ABLIM1: variants seen among roughly 807,000 people sequenced by gnomAD.
The protein encoded by ABLIM1 is actin-binding LIM protein 1.
ABLIM1 carries 40 observed loss-of-function variants against 107.0 expected under a neutral mutation model. That is an observed-to-expected ratio of 0.37 (90% CI 0.29 to 0.49). ABLIM1 has a LOEUF of 0.49. ABLIM1 is among the 20% of genes least tolerant of loss of function. ABLIM1 has a pLI of 0.97. For missense variants in ABLIM1, 857 were observed against 1,008.5 expected (o/e 0.85, Z 2.04); for synonymous variants, 357 against 357.3 (o/e 1.00, Z 0.01).
intron 6 of ABLIM1, among the ~76,000 whole-genome samples, chr10:114,506,596 T>A (rs1348489495): frequency 6.6e-6 from 1 of 152,270 alleles, no homozygotes; most frequent in African/African-American, 2.4e-5. Context: ...CCATTTGCAT[T>A]TCTCTAATGA....
chr10:114,577,897 G>A (rs1482782101), intron 2 of ABLIM1, among the ~76,000 whole-genome samples: 2 of 152,296 alleles, frequency 1.3e-5, no homozygotes, highest in East Asian at 3.9e-4. Flanking sequence ...TATGATGCCA[G>A]TACCTAAAAT....
At chr10:114,798,818 A>G in the ABLIM1 span, among the ~76,000 whole-genome samples, 8 of 151,896 alleles carry the variant, frequency 5.3e-5, no homozygotes, top group East Asian at 9.7e-4. Flanking sequence ...TTTTTTTGAG[A>G]CGGAGTCTCG....
chr10:114,502,798 T>C (rs535991246), intron 6 of ABLIM1, among the ~76,000 whole-genome samples: 7 of 152,272 alleles, frequency 4.6e-5, no homozygotes, highest in Middle Eastern at 3.4e-3. Flanking sequence ...TTGAGAAAAA[T>C]GCACAAATTC....
At chr10:114,495,057 T>C (rs2059489259) in intron 6 of ABLIM1, among the ~76,000 whole-genome samples, 1 of 152,230 alleles carries the variant, frequency 6.6e-6, no homozygotes, top group African/African-American at 2.4e-5. Context: ...TGATCTTATA[T>C]GTGTGCCCTT....
intron 1 of ABLIM1, among the ~76,000 whole-genome samples, chr10:114,710,095 G>C (rs2081515495): frequency 6.6e-6 from 1 of 152,166 alleles, no homozygotes; most frequent in South Asian, 2.1e-4. Context: ...TGGTTACTCA[G>C]GTCCAAGATT....
chr10:114,605,040 C>T (rs999810172), intron 1 of ABLIM1, among the ~76,000 whole-genome samples: 6 of 152,174 alleles, frequency 3.9e-5, no homozygotes, highest in African/African-American at 1.4e-4. Context: ...ACTTGCTTTG[C>T]CTTCACCCAC....
chr10:114,440,452 T>G (rs899118550), intron 19 of ABLIM1, among the ~76,000 whole-genome samples: 1 of 125,682 alleles, frequency 8.0e-6, no homozygotes, highest in African/African-American at 2.9e-5. Flanking sequence ...TCCAGTTACT[T>G]TTTTTTTTTT....
upstream of ABLIM1, among the ~76,000 whole-genome samples, chr10:114,769,979 C>G (rs2083003296): frequency 6.6e-6 from 1 of 152,180 alleles, no homozygotes; most frequent in South Asian, 2.1e-4. Context: ...TCATTCCACT[C>G]TTAACCTTTC....
chr10:114,578,125 T>C (rs1377599777), intron 2 of ABLIM1, among the ~76,000 whole-genome samples: 3 of 152,126 alleles, frequency 2.0e-5, no homozygotes, highest in African/African-American at 7.2e-5. Flanking sequence ...TCTCATTCAC[T>C]CTCACAACCT....
At chr10:114,598,274 C>CAAAAAA (rs58133284) in intron 2 of ABLIM1, among the ~76,000 whole-genome samples, 2 of 63,806 alleles carry the variant, frequency 3.1e-5, no homozygotes, top group Non-Finnish European at 2.7e-5. Flanking sequence ...AACTCCATCT[C>CAAAAAA]AAAAAAAAAA....
At chr10:114,542,605 A>G (rs1311380487) in intron 6 of ABLIM1, among the ~76,000 whole-genome samples, 1 of 150,768 alleles carries the variant, frequency 6.6e-6, no homozygotes, top group African/African-American at 2.5e-5. Flanking sequence ...AGGAAGAAGA[A>G]GAAAAAAGAA....
At chr10:114,538,879 G>C (rs1261436456) in intron 6 of ABLIM1, among the ~76,000 whole-genome samples, 1 of 152,252 alleles carries the variant, frequency 6.6e-6, no homozygotes, top group Non-Finnish European at 1.5e-5. Context: ...GCATAAGACA[G>C]CTTGAGAGGC....
At chr10:114,451,861 T>C (rs1037844990) in intron 13 of ABLIM1, among the ~76,000 whole-genome samples, 190 bp from the exon 14 acceptor site, 1 of 152,206 alleles carries the variant, frequency 6.6e-6, no homozygotes, top group Non-Finnish European at 1.5e-5. Context: ...TATAGACAAG[T>C]GTTATGGAAG....
chr10:114,548,710 C>T (rs1215469884), intron 4 of ABLIM1, among the ~76,000 whole-genome samples: 1 of 152,206 alleles, frequency 6.6e-6, no homozygotes, highest in Non-Finnish European at 1.5e-5. Flanking sequence ...TTGGTGCAAC[C>T]TTTCTGGAAA....
chr10:114,773,491 G>T, the ABLIM1 span, among the ~76,000 whole-genome samples: 1 of 152,196 alleles, frequency 6.6e-6, no homozygotes, highest in Non-Finnish European at 1.5e-5. Context: ...GGAGGCCAAG[G>T]TGGGTGGATC....
At chr10:114,643,519 G>A (rs1011303649) in intron 1 of ABLIM1, among the ~76,000 whole-genome samples, 3 of 151,940 alleles carry the variant, frequency 2.0e-5, no homozygotes, top group African/African-American at 4.8e-5. Flanking sequence ...TATATCTTCA[G>A]GATTTTTTAA....
At chr10:114,482,878 A>G (rs1181924458) in intron 8 of ABLIM1, among the ~76,000 whole-genome samples, 2 of 152,224 alleles carry the variant, frequency 1.3e-5, no homozygotes, top group Admixed American at 6.5e-5. Context: ...AAGTCATGAA[A>G]ATGTATTACT....
At chr10:114,750,942 C>T (rs1188999363) in intron 1 of ABLIM1, among the ~76,000 whole-genome samples, 1 of 152,110 alleles carries the variant, frequency 6.6e-6, no homozygotes, top group Non-Finnish European at 1.5e-5. Flanking sequence ...GTATAATTTG[C>T]CTATCAGGAT....
chr10:114,455,934 T>C (rs2133053925), intron 12 of ABLIM1, among the ~76,000 whole-genome samples: 1 of 151,322 alleles, frequency 6.6e-6, no homozygotes, highest in East Asian at 2.0e-4. Flanking sequence ...CGCCTCACCC[T>C]CCTGAGTAGC....
Sources: allele counts gnomAD v4.1 joint callset (sites outside exome capture counted in the v4.1 genomes callset), GRCh38; gene constraint gnomAD v4.1.1; transcripts MANE v1.5; gene names NCBI Gene and HGNC (gene_info 2026-07-23, HGNC 2026-07-21).